The following SLC66A1 variants were observed in gnomAD, a reference collection of about 807,000 sequenced individuals.
The protein encoded by SLC66A1 is lysosomal amino acid transporter 1 homolog.
Under a neutral mutation model 33.0 loss-of-function variants are expected in SLC66A1, and 23 were observed. That is an observed-to-expected ratio of 0.70 (90% CI 0.50 to 0.99). The LOEUF (loss-of-function observed/expected upper bound fraction) is 0.99. Among genes scored for constraint, SLC66A1 ranks in the 50% least tolerant of loss-of-function variants. SLC66A1 has a pLI of 0.00. For synonymous variants in SLC66A1, 164 were observed against 175.5 expected, an observed-to-expected ratio of 0.93 and a Z score of 0.52; for missense variants, 335 against 383.6, an observed-to-expected ratio of 0.87 and a Z score of 1.06.
Position 19,328,162 on chromosome 1 carries a change from C to T in SLC66A1, c.805-410C>T, listed in dbSNP as rs2093879372. The stretch of plus-strand genomic sequence containing the variant: ...TGGGTCTCATTTCGGAGCAAGTAAA[C>T]ATGGCCTTTGTTTTAATATTTGTTA... On this transcript the variant is annotated intron_variant, in intron 7 of 7. Coordinates refer to ENST00000375153, the MANE Select transcript of SLC66A1 (RefSeq NM_001040125.2). The surrounding 1 kb of genome is among the most constrained non-coding windows in gnomAD (Gnocchi z 4.7). 1 of 307,374 alleles carries T rather than the reference C, an allele frequency of 3.3e-6. No homozygotes were observed. 19.0% of individuals were successfully genotyped at this position (307,374 alleles called of 1,614,324 possible).
chr1:19,316,866 TTTC>T (rs2093808443), intron 1 of SLC66A1, among the ~76,000 whole-genome samples: 4 of 150,684 alleles, frequency 2.7e-5, no homozygotes, highest in Non-Finnish European at 5.9e-5. Context: ...TTTTTCTTTC[TTTC>T]TTTCTTTCTT....
intron 7 of SLC66A1, 122 bp downstream of exon 7, chr1:19,327,534 T>TCCCTCCCC (rs2093875176): frequency 3.3e-6 from 3 of 909,694 alleles, no homozygotes; most frequent in Non-Finnish European, 3.3e-6. Context: ...CATCCATCCC[T>TCCCTCCCC]CCCTCCCTCC....
At chr1:19,319,818 G>A (rs896723385) in intron 2 of SLC66A1, among the ~76,000 whole-genome samples, 10 of 150,820 alleles carry the variant, frequency 6.6e-5, no homozygotes, top group Admixed American at 5.9e-4. Context: ...CAGGGGAATT[G>A]CTTGAGCCCA....
At chr1:19,332,409 A>G (rs2093895110), downstream of SLC66A1, among the ~76,000 whole-genome samples, 1 of 152,106 alleles carries the variant, frequency 6.6e-6, no homozygotes, top group African/African-American at 2.4e-5. Context: ...TAAATAAACA[A>G]TGGCTATATT....
intron 2 of SLC66A1, among the ~76,000 whole-genome samples, chr1:19,320,702 A>T (rs1370171141): frequency 6.7e-6 from 1 of 149,378 alleles, no homozygotes; most frequent in South Asian, 2.1e-4. Context: ...GGCGTGAGCC[A>T]CCGCACCTGG....
Position 19,312,462 on chromosome 1 carries a change from T to C in SLC66A1, c.-506T>C. 1 of 170,784 alleles carries C rather than the reference T, an allele frequency of 5.9e-6. No homozygotes were observed. 10.6% of individuals were successfully genotyped at this position (170,784 alleles called of 1,614,324 possible). ...GCCCTCTCCTCCGGCCGCTGGACTG[T>C]CCCGGCTCCTGCGCCCTCCTTGTGG... On this transcript the variant is annotated 5_prime_UTR_variant, in exon 1 of 8. Transcript: ENST00000375153.
chr1:19,328,734 C>T lies in SLC66A1; in HGVS notation c.*91C>T. The stretch of plus-strand genomic sequence containing the variant: ...GGACAGTGATGGTACGGCGGCCCTG[C>T]ATCAGCCTGCGGGTGGCCTCTGGAT... On this transcript the variant is annotated 3_prime_UTR_variant, in exon 8 of 8. Coordinates refer to ENST00000375153, the MANE Select transcript of SLC66A1 (RefSeq NM_001040125.2). The surrounding 1 kb of genome is among the most constrained non-coding windows in gnomAD (Gnocchi z 4.7). The T allele has an allele frequency of 7.2e-7, 1 of 1,398,258 alleles. No individual in the cohort carries two copies. The highest frequency in any genetic ancestry group is 9.9e-7 in the Non-Finnish European group (1 of 1,014,432). The allele number at this position is 1,398,258 out of a possible 1,614,324, so 86.6% of individuals were successfully genotyped here.
rs756882497 is a variant in SLC66A1 at position 19,328,557 on chromosome 1, C to T, written c.805-15C>T. 13 of 1,611,382 alleles carry T rather than the reference C, an allele frequency of 8.1e-6. No homozygotes were observed. Among genetic ancestry groups the T allele is most frequent in the East Asian group, 2.2e-5 (1 of 44,856 alleles). On this transcript the variant is annotated splice_polypyrimidine_tract_variant and intron_variant, in intron 7 of 7. Transcript: ENST00000375153. This position sits in a 1 kb window ranked among gnomAD's most constrained non-coding sequence, Gnocchi z 4.7. Reference sequence around the variant, plus strand: ...CAGTCTCTGCTCAGCTTGGCCTTAACGGCGGCACCCCCAGATCTCCATCCA... The same window carrying T: ...CAGTCTCTGCTCAGCTTGGCCTTAATGGCGGCACCCCCAGATCTCCATCCA...
chr1:19,327,207 C>A lies in SLC66A1; in HGVS notation c.619-20C>A. On this transcript the variant is annotated intron_variant, in intron 6 of 7. Transcript: ENST00000375153. ...AAGAGGCCTGTTCGAGGTCTCTGACCTGACCTCCTCCTGCCCCAGTTCCTC... is the reference window on the plus strand; with the variant it reads ...AAGAGGCCTGTTCGAGGTCTCTGACATGACCTCCTCCTGCCCCAGTTCCTC... 6.2e-7 allele frequency: 1 copy of A among 1,602,860 alleles called. No individual in the cohort carries two copies. Among genetic ancestry groups the A allele is most frequent in the Non-Finnish European group, 8.5e-7 (1 of 1,170,650 alleles).
downstream of SLC66A1, among the ~76,000 whole-genome samples, chr1:19,333,528 C>A (rs935329849): frequency 2.0e-5 from 3 of 152,170 alleles, no homozygotes; most frequent in African/African-American, 7.2e-5. The surrounding 1 kb of genome is among the most constrained non-coding windows in gnomAD (Gnocchi z 4.2). Context: ...GAGAAAGCCA[C>A]AACCTTCACC....
chr1:19,333,920 A>AAAC (rs1389559275), downstream of SLC66A1, among the ~76,000 whole-genome samples: 11 of 151,548 alleles, frequency 7.3e-5, no homozygotes, highest in African/African-American at 2.7e-4. This position sits in a 1 kb window ranked among gnomAD's most constrained non-coding sequence, Gnocchi z 4.2. Flanking sequence ...AAACAAAACA[A>AAAC]AACAAAACAA....
chr1:19,325,508 T>C lies in SLC66A1; in HGVS notation c.308T>C (p.Val103Ala), dbSNP rs1558151724. 6.2e-7 allele frequency: 1 copy of C among 1,607,552 alleles called. No individual in the cohort carries two copies. The highest frequency in any genetic ancestry group is 8.5e-7 in the Non-Finnish European group (1 of 1,174,366). Reference protein sequence around the residue: ...DQLPLQTYTAVYYVLADLVML... With the variant: ...DQLPLQTYTAAYYVLADLVML... ...CATCTCTTACAGACCTACACGGCTG[T>C]GTATTATGTCTTGGCAGACCTGGTG... is the stretch of plus-strand genomic sequence containing the variant. Residue 103 changes from valine to alanine, a missense_variant, in exon 4 of 8, where the codon GTG becomes GCG. By Grantham distance (64) the Val-to-Ala change is moderately conservative. Coordinates refer to ENST00000375153, the MANE Select transcript of SLC66A1 (RefSeq NM_001040125.2).
chr1:19,332,856 G>A (rs754340076), downstream of SLC66A1, among the ~76,000 whole-genome samples: 1 of 152,176 alleles, frequency 6.6e-6, no homozygotes, highest in Non-Finnish European at 1.5e-5. Context: ...ATGGAACCAC[G>A]CTTACCAGTT....
chr1:19,328,084 T>C lies in SLC66A1; in HGVS notation c.805-488T>C. On this transcript the variant is annotated intron_variant, in intron 7 of 7. Transcript: ENST00000375153. This position sits in a 1 kb window ranked among gnomAD's most constrained non-coding sequence, Gnocchi z 4.7. ...TGGAAACACTCCCCACAGGACCCCG[T>C]TTTCAGTGAGGGCTCAGAAAGTGTT... is the stretch of plus-strand genomic sequence containing the variant. 1 of 257,956 alleles carries C rather than the reference T, an allele frequency of 3.9e-6. No individual in the cohort carries two copies. The highest frequency in any genetic ancestry group is 4.2e-5 in the South Asian group (1 of 24,016). The allele number at this position is 257,956 out of a possible 1,614,324, so 16.0% of individuals were successfully genotyped here. A position where few individuals can be genotyped will look rare whatever the true frequency, so the allele number is the denominator to read the frequency against.
chr1:19,318,785 CCA>C (rs1491393829), intron 2 of SLC66A1, among the ~76,000 whole-genome samples: 3 of 118,504 alleles, frequency 2.5e-5, no homozygotes, highest in Non-Finnish European at 3.5e-5. Flanking sequence ...CCCATCTCTA[CCA>C]AAAAAAAAAA....
intron 2 of SLC66A1, among the ~76,000 whole-genome samples, chr1:19,318,354 A>G (rs1558146890): frequency 6.6e-6 from 1 of 152,212 alleles, no homozygotes. Context: ...GGCCGCTGCC[A>G]TGATCAGGGA....
At chr1:19,321,079 T>A (rs2093834482) in intron 2 of SLC66A1, among the ~76,000 whole-genome samples, 1 of 149,958 alleles carries the variant, frequency 6.7e-6, no homozygotes, top group Non-Finnish European at 1.5e-5. Flanking sequence ...ATGTCCAGTT[T>A]ATTTTTTCTC....
intron 2 of SLC66A1, among the ~76,000 whole-genome samples, chr1:19,320,688 T>C (rs551681280): frequency 1.9e-4 from 29 of 151,440 alleles, no homozygotes; most frequent in African/African-American, 5.4e-4. Flanking sequence ...GTGCTGGGAT[T>C]ACAGGCGTGA....
intron 7 of SLC66A1, chr1:19,327,686 A>G: frequency 1.6e-6 from 1 of 633,090 alleles, no homozygotes; most frequent in Non-Finnish European, 3.0e-6. Flanking sequence ...AGAGGACACA[A>G]CGCTATCATC....
Sources: gnomAD v4.1 joint callset for allele counts (sites outside exome capture counted in the v4.1 genomes callset) on GRCh38, gnomAD v4.1.1 for gene constraint, Gnocchi (gnomAD v3.1) non-coding constraint, MANE v1.5 for transcripts, NCBI Gene and HGNC (gene_info 2026-07-23, HGNC 2026-07-21) for gene names.